Variants in SPEF2 observed in about 807,000 individuals in gnomAD.
SPEF2 encodes sperm flagella and cilia-associated protein 2.
SPEF2 carries 187 observed loss-of-function variants against 224.6 expected under a neutral mutation model. The observed-to-expected ratio is 0.83, with a 90% CI of 0.74 to 0.94. The LOEUF is 0.94. Ranked by LOEUF, SPEF2 falls within the 40% of genes least tolerant of loss-of-function variation. SPEF2 has a pLI of 0.00. For missense variants in SPEF2, 2,170 were observed against 2,135.6 expected, an observed-to-expected ratio of 1.02 and a Z score of -0.32; for synonymous variants, 715 against 707.3, an observed-to-expected ratio of 1.01 and a Z score of -0.17.
intron 10 of SPEF2, among the ~76,000 whole-genome samples, chr5:35,683,322 T>G (rs569398889): frequency 2.0e-5 from 3 of 152,092 alleles, no homozygotes; most frequent in Admixed American, 6.5e-5. Context: ...TGTAGGTCAA[T>G]TAATAAAAAC....
rs1750604760 is a variant in SPEF2 at position 35,667,256 on chromosome 5, A to G, written c.1352A>G (p.Asn451Ser). ...TKVADYRMLT[N>S]NLIPYKLMHD... is the part of the protein sequence containing the mutation. ...GTGGCAGACTATCGAATGTTGACAA[A>G]TAAGTAAGTATTTTTTTTGTAATAA... is the stretch of plus-strand genomic sequence containing the variant. Residue 451 changes from asparagine (N) to serine (S), a missense_variant, in exon 9 of 37, where the codon AAT (asparagine) becomes AGT (serine). Physicochemically the swap from Asn to Ser is conservative, Grantham distance 46 (BLOSUM62 1). Transcript: ENST00000356031. 1 of 1,593,470 alleles carries G rather than the reference A, an allele frequency of 6.3e-7. No individual in the cohort carries two copies. Among genetic ancestry groups the G allele is most frequent in the African/African-American group, 1.3e-5 (1 of 74,278 alleles).
intron 36 of SPEF2, among the ~76,000 whole-genome samples, chr5:35,812,178 A>C (rs1758586666): frequency 6.6e-6 from 1 of 152,154 alleles, no homozygotes; most frequent in South Asian, 2.1e-4. Flanking sequence ...CGTGCACAAG[A>C]AATTCTGAAT....
intron 1 of SPEF2, among the ~76,000 whole-genome samples, chr5:35,624,045 G>A (rs2149359517): frequency 6.6e-6 from 1 of 152,324 alleles, no homozygotes; most frequent in African/African-American, 2.4e-5. Flanking sequence ...TCTTTCTCCA[G>A]AACCTGTGCT....
chr5:35,738,256 G>C (rs1242475833), intron 21 of SPEF2, among the ~76,000 whole-genome samples: 1 of 152,008 alleles, frequency 6.6e-6, no homozygotes, highest in Non-Finnish European at 1.5e-5. Flanking sequence ...TGTTGCCATT[G>C]CTTTTGGTGT....
chr5:35,790,562 T>C, intron 30 of SPEF2: 1 of 388,678 alleles, frequency 2.6e-6, no homozygotes. Context: ...GTTTCTTCTA[T>C]AGCTTTCTAA....
At chr5:35,788,433 A>T in intron 30 of SPEF2, 1 of 702,630 alleles carries the variant, frequency 1.4e-6, no homozygotes, top group Non-Finnish European at 2.6e-6. Flanking sequence ...GAGAAATTAG[A>T]AAAAAGTAAA....
chr5:35,634,309 G>A (rs1473254626), intron 2 of SPEF2, among the ~76,000 whole-genome samples: 4 of 152,024 alleles, frequency 2.6e-5, no homozygotes, highest in Non-Finnish European at 5.9e-5. Flanking sequence ...TTTCAGCACT[G>A]TGACCATGTC....
At chr5:35,729,135 C>T (rs1745183272) in intron 21 of SPEF2, among the ~76,000 whole-genome samples, 1 of 151,926 alleles carries the variant, frequency 6.6e-6, no homozygotes, top group Non-Finnish European at 1.5e-5. Context: ...TGTAGATCTT[C>T]CAGCATTCGG....
chr5:35,626,940 G>T (rs1383719807), intron 1 of SPEF2, among the ~76,000 whole-genome samples: 1 of 152,024 alleles, frequency 6.6e-6, no homozygotes, highest in African/African-American at 2.4e-5. Flanking sequence ...TACAAATCAT[G>T]AAGAAATGTT....
intron 33 of SPEF2, among the ~76,000 whole-genome samples, chr5:35,797,991 C>A (rs1340660068): frequency 2.6e-5 from 4 of 152,164 alleles, no homozygotes; most frequent in Non-Finnish European, 4.4e-5. Context: ...TTCCTCTCTT[C>A]TCTCAAACTC....
At chr5:35,761,917 C>G (rs1227553979) in intron 25 of SPEF2, among the ~76,000 whole-genome samples, 1 of 152,160 alleles carries the variant, frequency 6.6e-6, no homozygotes, top group Admixed American at 6.5e-5. Context: ...GCTTTGGGTA[C>G]CTACTGGAAC....
intron 10 of SPEF2, among the ~76,000 whole-genome samples, chr5:35,679,207 G>A (rs553991534): frequency 5.3e-5 from 8 of 152,144 alleles, no homozygotes; most frequent in Non-Finnish European, 1.2e-4. Context: ...ATTCCCTCTG[G>A]TAGGAGACCA....
chr5:35,736,863 A>C (rs1448368557), intron 21 of SPEF2, among the ~76,000 whole-genome samples: 3 of 152,138 alleles, frequency 2.0e-5, no homozygotes, highest in Admixed American at 1.3e-4. Flanking sequence ...TAATAAGCAG[A>C]TGTTATTTTT....
At chr5:35,640,563 G>C (rs182725824) in intron 2 of SPEF2, among the ~76,000 whole-genome samples, 1 of 152,212 alleles carries the variant, frequency 6.6e-6, no homozygotes, top group Admixed American at 6.5e-5. Flanking sequence ...TGCAAAACTG[G>C]ACCTGAGAAG....
intron 20 of SPEF2, among the ~76,000 whole-genome samples, chr5:35,721,111 T>A (rs1001184891): frequency 1.3e-5 from 2 of 152,202 alleles, no homozygotes; most frequent in African/African-American, 4.8e-5. Flanking sequence ...GAAAACCATA[T>A]AATACCCTTT....
At chr5:35,697,573 C>A in intron 14 of SPEF2, 117 bp from the exon 15 acceptor site, 1 of 745,474 alleles carries the variant, frequency 1.3e-6, no homozygotes, top group African/African-American at 1.8e-5. Context: ...CCGAACTGTG[C>A]CACATGATCA....
At chr5:35,708,884 T>C (rs1220443900) in intron 18 of SPEF2, 64 bp from the exon 19 acceptor site, 2 of 1,390,520 alleles carry the variant, frequency 1.4e-6, no homozygotes, top group East Asian at 4.6e-5. Flanking sequence ...TTTCTCTTAG[T>C]TCAAGTGAAA....
chr5:35,667,137 T>C lies in SPEF2; in HGVS notation c.1233T>C (p.Asp411=), dbSNP rs147621729. ...TCCTTAAAGAAAAGAGATTTCATGA[T>C]CAGATTGCTGTGGAAAGAGCTCAAG... The part of the protein sequence containing the change: ...EQFLKEKRFH[D]QIAVERAQAR... The change falls in exon 9 of 37, where the codon GAT becomes GAC. Residue 411 remains aspartate (D), a synonymous_variant. Coordinates refer to ENST00000356031, the MANE Select transcript of SPEF2 (RefSeq NM_024867.4). 1.7e-3 allele frequency: 2,819 copies of C among 1,611,540 alleles called. 3 individuals are homozygous for C. Among genetic ancestry groups the C allele is most frequent in the South Asian group, 1.7e-3 (151 of 90,088 alleles).
At chr5:35,726,926 C>T (rs1167368914) in intron 20 of SPEF2, among the ~76,000 whole-genome samples, 2 of 152,040 alleles carry the variant, frequency 1.3e-5, no homozygotes, top group Non-Finnish European at 2.9e-5. Context: ...AGTGAATGTC[C>T]TTTTCGGATT....
Sources: allele counts gnomAD v4.1 joint callset (sites outside exome capture counted in the v4.1 genomes callset), GRCh38; gene constraint gnomAD v4.1.1; transcripts MANE v1.5; gene names NCBI Gene and HGNC (gene_info 2026-07-23, HGNC 2026-07-21).